The following MAGED1 variants were observed in gnomAD, a reference collection of about 807,000 sequenced individuals.
MAGED1 encodes the protein melanoma-associated antigen D1.
A neutral mutation model predicts 54.1 loss-of-function variants in MAGED1; 3 were observed. The ratio of observed to expected loss-of-function variants is 0.06; its 90% CI spans 0.03 to 0.14. The LOEUF (loss-of-function observed/expected upper bound fraction) is 0.14, where lower values mean the gene tolerates loss of function less well. Among genes scored for constraint, MAGED1 ranks in the 10% least tolerant of loss-of-function variants. The pLI, the probability that MAGED1 is intolerant of heterozygous loss-of-function variation, is 1.00. For synonymous variants in MAGED1, 217 were observed against 227.3 expected (o/e 0.95, Z 0.41); for missense variants, 485 against 623.4 (o/e 0.78, Z 2.36).
chrX:51,859,706 C>T lies in MAGED1; in HGVS notation c.-36-34563C>T, dbSNP rs1466518230. The stretch of plus-strand genomic sequence containing the variant: ...TAATACTGGATTATTAGGGTGGGCC[C>T]AATGTAATCACAAGGATCCTTATAA... On this transcript the variant is annotated intron_variant, in intron 1 of 12. Transcript: ENST00000375772. 2.7e-5 allele frequency among the ~76,000 whole-genome samples: 3 copies of T among 111,188 alleles called. No individual in the cohort carries two copies. The Admixed American group carries it at 2.9e-4, about 11-fold the overall frequency.
intron 1 of MAGED1, among the ~76,000 whole-genome samples, chrX:51,863,796 A>G (rs1314570763): frequency 9.0e-6 from 1 of 111,212 alleles, no homozygotes; most frequent in African/African-American, 3.3e-5. Flanking sequence ...ATGTCTATTC[A>G]GGTCCTTTGC....
chrX:51,833,150 T>G (rs1360439787), intron 1 of MAGED1, among the ~76,000 whole-genome samples: 1 of 111,652 alleles, frequency 9.0e-6, no homozygotes, highest in Non-Finnish European at 1.9e-5. Context: ...AAAGTTTGAG[T>G]TGACAAATCC....
At chrX:51,806,264 G>T (rs781935409) in intron 1 of MAGED1, among the ~76,000 whole-genome samples, 27 of 111,140 alleles carry the variant, frequency 2.4e-4, no homozygotes, top group Non-Finnish European at 1.9e-4. Flanking sequence ...GAGCCACCGC[G>T]CCCGGCCAGC....
Position 51,901,572 on chromosome X carries a change from G to A in MAGED1, c.1979G>A (p.Arg660His), listed in dbSNP as rs1265067489. 7 of 1,156,459 alleles carry A rather than the reference G, an allele frequency of 6.1e-6. No homozygotes were observed. Among genetic ancestry groups the A allele is most frequent in the Non-Finnish European group, 8.1e-6 (7 of 868,529 alleles). The change falls in exon 12 of 13, where the codon CGT becomes CAT. Residue 660 changes from arginine to histidine, a missense_variant. Arg to His is a conservative substitution (Grantham distance 29). Transcript: ENST00000326587. ...TCTCAGGTTCAGAAAAGAGACCCTC[G>A]TGACTGGACTGCACAGTTCATGGAG... ...FIAEVQKRDP[R>H]DWTAQFMEAA...
intron 1 of MAGED1, among the ~76,000 whole-genome samples, chrX:51,848,081 T>A (rs192748566): frequency 3.6e-5 from 4 of 111,799 alleles, no homozygotes; most frequent in African/African-American, 1.3e-4. Flanking sequence ...TTTGTCAGTA[T>A]TATGGGTGTG....
intron 1 of MAGED1, among the ~76,000 whole-genome samples, chrX:51,816,456 T>A (rs1029386079): frequency 5.4e-5 from 6 of 111,646 alleles, no homozygotes; most frequent in African/African-American, 2.0e-4. Flanking sequence ...GTACCTTTTC[T>A]ATGTTTAGGT....
At chrX:51,817,468 A>G (rs982360943) in intron 1 of MAGED1, among the ~76,000 whole-genome samples, 5 of 112,029 alleles carry the variant, frequency 4.5e-5, no homozygotes, top group Middle Eastern at 4.2e-3. Context: ...TTTTGCTATT[A>G]TAGATTTGGC....
At chrX:51,863,544 G>T (rs1927356254) in intron 1 of MAGED1, among the ~76,000 whole-genome samples, 1 of 111,646 alleles carries the variant, frequency 9.0e-6, no homozygotes, top group African/African-American at 3.3e-5. Context: ...TTTTGGGGGG[G>T]AACCTCCATA....
intron 1 of MAGED1, among the ~76,000 whole-genome samples, chrX:51,838,895 T>A (rs930768050): frequency 5.4e-5 from 6 of 110,956 alleles, no homozygotes; most frequent in Non-Finnish European, 1.1e-4. Context: ...ATTGCTTTTT[T>A]TTTCTGACTA....
At chrX:51,894,913 C>T (rs782219433) in intron 2 of MAGED1, 140 bp from the exon 3 acceptor site, 1 of 916,706 alleles carries the variant, frequency 1.1e-6, no homozygotes, top group African/African-American at 2.0e-5. Context: ...CCCCCTAGAT[C>T]TCTGCCTCAG....
At chrX:51,887,067 GA>G (rs1235332088) in intron 1 of MAGED1, among the ~76,000 whole-genome samples, 2 of 37,978 alleles carry the variant, frequency 5.3e-5, no homozygotes, top group Admixed American at 6.7e-4. Context: ...AAACAAAGAA[GA>G]AAAAAAAGAG....
chrX:51,815,115 C>A (rs1420985407), intron 1 of MAGED1, among the ~76,000 whole-genome samples: 1 of 110,128 alleles, frequency 9.1e-6, no homozygotes, highest in Non-Finnish European at 1.9e-5. Flanking sequence ...TGCACTCCAG[C>A]CTGGGTGACA....
chrX:51,829,151 A>G (rs1223379903), intron 1 of MAGED1, among the ~76,000 whole-genome samples: 2 of 111,856 alleles, frequency 1.8e-5, no homozygotes, highest in Non-Finnish European at 3.8e-5. Context: ...AAAATTGAAG[A>G]CAGCAAAAGT....
At position 51,809,137 on chromosome X, in the gene MAGED1, C is replaced by T. The variant is rs571392692; in HGVS notation, c.-37+6020C>T. 5.1e-4 allele frequency among the ~76,000 whole-genome samples: 56 copies of T among 109,579 alleles called. No individual in the cohort carries two copies. The South Asian group carries it at 5.5e-3, about 11-fold the overall frequency. ...ATTTTATTTTATTTTTTTTTTGAGA[C>T]GGAGTCTCGCTCTGTCGCCCAGGCT... On this transcript the variant is annotated intron_variant, in intron 1 of 12. Transcript: ENST00000375772.
chrX:51,873,399 A>G (rs1237212720), intron 1 of MAGED1, among the ~76,000 whole-genome samples: 2 of 111,077 alleles, frequency 1.8e-5, no homozygotes, highest in Non-Finnish European at 3.8e-5. Context: ...ATTGAAAGGT[A>G]AAGTGTGAAT....
At chrX:51,897,952 T>C (rs1928837585) in intron 7 of MAGED1, 66 bp downstream of exon 7, 2 of 952,922 alleles carry the variant, frequency 2.1e-6, no homozygotes, top group African/African-American at 1.9e-5. Flanking sequence ...GAGTTTCACG[T>C]AGATCAGGGT....
rs1024107306 is a variant in MAGED1, at chrX:51,843,808, T to G, written c.-37+40691T>G. On this transcript the variant is annotated intron_variant, in intron 1 of 12. Transcript: ENST00000375772. The stretch of plus-strand genomic sequence containing the variant: ...GGGTAATGGTTGAGAATGGAAAAAT[T>G]TTGAGAATACGTGGAAGAATTTTGA... 2.7e-5 allele frequency among the ~76,000 whole-genome samples: 3 copies of G among 111,306 alleles called. No individual in the cohort carries two copies. The East Asian group carries it at 8.5e-4, about 31-fold the overall frequency.
chrX:51,837,724 C>T (rs1557358054), intron 1 of MAGED1, among the ~76,000 whole-genome samples: 1 of 112,144 alleles, frequency 8.9e-6, no homozygotes, highest in African/African-American at 3.2e-5. Flanking sequence ...TTATTATCCC[C>T]ACTTCACATA....
chrX:51,851,381 G>A (rs1926884992), intron 1 of MAGED1, among the ~76,000 whole-genome samples: 1 of 111,305 alleles, frequency 9.0e-6, no homozygotes, highest in African/African-American at 3.3e-5. Flanking sequence ...CTGTTTCCAA[G>A]TACAAGTAGT....
Sources: allele counts gnomAD v4.1 joint callset (sites outside exome capture counted in the v4.1 genomes callset), GRCh38; gene constraint gnomAD v4.1.1; transcripts MANE v1.5; gene names NCBI Gene and HGNC (gene_info 2026-07-23, HGNC 2026-07-21).